Variants in GPM6B observed in about 807,000 individuals in gnomAD.
GPM6B encodes glycoprotein M6B.
In GPM6B, 4 loss-of-function variants were observed where a neutral mutation model predicts 27.2. The observed-to-expected ratio is 0.15, with a 90% confidence interval of 0.07 to 0.34. GPM6B has a LOEUF of 0.34. GPM6B is among the 10% of genes least tolerant of loss of function. GPM6B has a pLI of 1.00. For missense variants in GPM6B, 183 were observed against 261.9 expected (o/e 0.70, Z 2.08); for synonymous variants, 124 against 103.1 (o/e 1.20, Z -1.23).
At chrX:13,865,542 CAAAAAAAAAAAA>C (rs1171503867) in intron 1 of GPM6B, among the ~76,000 whole-genome samples, 14 of 14,632 alleles carry the variant, frequency 9.6e-4, no homozygotes, top group African/African-American at 2.4e-3. Flanking sequence ...TCCATCTCTT[CAAAAAAAAAAAA>C]AAAAAAAAGA....
At chrX:13,782,872 A>G (rs1226521858) in intron 4 of GPM6B, among the ~76,000 whole-genome samples, 1 of 112,024 alleles carries the variant, frequency 8.9e-6, no homozygotes, top group Non-Finnish European at 1.9e-5. Context: ...GTCTTAGACT[A>G]TAAGCTGCTT....
chrX:13,864,018 C>A (rs1409785963), intron 1 of GPM6B, among the ~76,000 whole-genome samples: 1 of 112,101 alleles, frequency 8.9e-6, no homozygotes, highest in Non-Finnish European at 1.9e-5. Context: ...GGCCATGGTT[C>A]ATTTTTTGTG....
At chrX:13,813,250 A>G (rs17300723) in intron 1 of GPM6B, among the ~76,000 whole-genome samples, 30,267 of 109,491 alleles carry the variant, frequency 0.28, 3,464 homozygotes, top group Middle Eastern at 0.39. Flanking sequence ...ATGAGAGCCA[A>G]AAGTGCATAC....
Position 13,874,188 on chromosome X carries a change from G to T in GPM6B, c.-198+64139C>A, listed in dbSNP as rs889941973. On this transcript the variant is annotated intron_variant, in intron 1 of 6. Coordinates refer to the GPM6B transcript ENST00000398361. Reference sequence around the variant, plus strand: ...AAATAAAGATTAAGGCTCCTTTCTTGAAATAAAATGAAACATTTTCATTTT... The same window carrying T: ...AAATAAAGATTAAGGCTCCTTTCTTTAAATAAAATGAAACATTTTCATTTT... Among the ~76,000 whole-genome samples, 3 of 111,885 alleles carry T rather than the reference G, an allele frequency of 2.7e-5. No homozygotes were observed. The Admixed American group carries it at 2.8e-4, about 11-fold the overall frequency.
At chrX:13,850,368 C>T (rs2049700883) in intron 1 of GPM6B, among the ~76,000 whole-genome samples, 1 of 112,473 alleles carries the variant, frequency 8.9e-6, no homozygotes, top group Admixed American at 9.4e-5. Context: ...TGGAAGCTTC[C>T]TGAGGCCTTT....
At chrX:13,781,411 G>C (rs2048513514) in intron 4 of GPM6B, among the ~76,000 whole-genome samples, 1 of 112,046 alleles carries the variant, frequency 8.9e-6, no homozygotes, top group Admixed American at 9.4e-5. Context: ...ATAGCACAAA[G>C]ATAAAGCTAC....
chrX:13,842,012 A>C (rs774274280), intron 1 of GPM6B, among the ~76,000 whole-genome samples: 1 of 111,964 alleles, frequency 8.9e-6, no homozygotes, highest in East Asian at 2.8e-4. Context: ...GATTCTCACC[A>C]TGTCATAGGT....
chrX:13,815,497 G>A (rs1337797590), intron 1 of GPM6B, among the ~76,000 whole-genome samples: 3 of 110,524 alleles, frequency 2.7e-5, no homozygotes, highest in Non-Finnish European at 5.7e-5. Context: ...TACAGGCTGG[G>A]TTTTTGGTGG....
intron 1 of GPM6B, among the ~76,000 whole-genome samples, chrX:13,872,886 G>T (rs1309010553): frequency 9.0e-6 from 1 of 111,198 alleles, no homozygotes; most frequent in Non-Finnish European, 1.9e-5. Context: ...TACTTACTCG[G>T]CTTACAGGAC....
chrX:13,853,692 T>C (rs1306507316), intron 1 of GPM6B, among the ~76,000 whole-genome samples: 1 of 108,606 alleles, frequency 9.2e-6, no homozygotes, highest in East Asian at 2.9e-4. Flanking sequence ...AGATATCGCA[T>C]GGGCACACTT....
At chrX:13,788,759 A>T (rs1452502199) in intron 2 of GPM6B, among the ~76,000 whole-genome samples, 1 of 109,999 alleles carries the variant, frequency 9.1e-6, no homozygotes, top group African/African-American at 3.3e-5. Context: ...TCAAAAAGCC[A>T]AGTGGGGTTA....
intron 1 of GPM6B, among the ~76,000 whole-genome samples, chrX:13,808,914 C>A (rs1569222400): frequency 8.9e-6 from 1 of 112,090 alleles, no homozygotes; most frequent in Non-Finnish European, 1.9e-5. Flanking sequence ...TAGAAAAAAT[C>A]TTTTTGACTT....
intron 5 of GPM6B, among the ~76,000 whole-genome samples, chrX:13,779,549 ATAAAG>A (rs2048476303): frequency 1.8e-5 from 2 of 112,238 alleles, no homozygotes; most frequent in African/African-American, 6.5e-5. Context: ...GAACTGCATT[ATAAAG>A]TAGTTTCATA....
At chrX:13,894,641 CTACCGATTATT>C (rs1289790475) in intron 1 of GPM6B, among the ~76,000 whole-genome samples, 1 of 112,359 alleles carries the variant, frequency 8.9e-6, no homozygotes, top group Non-Finnish European at 1.9e-5. Flanking sequence ...CACTCATTTG[CTACCGATTATT>C]TACAAGTGAA....
chrX:13,835,467 G>C (rs1360032959), intron 1 of GPM6B, among the ~76,000 whole-genome samples: 1 of 111,418 alleles, frequency 9.0e-6, no homozygotes, highest in Non-Finnish European at 1.9e-5. Flanking sequence ...TCAGTTTTTT[G>C]GGGGGTGTCC....
At chrX:13,855,642 G>T (rs1369115956) in intron 1 of GPM6B, among the ~76,000 whole-genome samples, 1 of 111,845 alleles carries the variant, frequency 8.9e-6, no homozygotes, top group Non-Finnish European at 1.9e-5. Flanking sequence ...TCAGTGTACG[G>T]TCAAGTATGC....
At chrX:13,878,093 G>A (rs1040917916) in intron 1 of GPM6B, among the ~76,000 whole-genome samples, 1 of 109,784 alleles carries the variant, frequency 9.1e-6, no homozygotes, top group African/African-American at 3.3e-5. Context: ...AGGATTTGAC[G>A]AGGTCAGAAG....
At chrX:13,926,054 C>CA (rs772441542) in intron 1 of GPM6B, among the ~76,000 whole-genome samples, 6 of 99,193 alleles carry the variant, frequency 6.0e-5, no homozygotes, top group South Asian at 4.8e-4. Context: ...GACTCCATCT[C>CA]AAAAAAAAAA....
chrX:13,928,285 T>C (rs1921307686), intron 1 of GPM6B, among the ~76,000 whole-genome samples: 1 of 112,473 alleles, frequency 8.9e-6, no homozygotes, highest in South Asian at 3.7e-4. Context: ...TAAAAACTTA[T>C]TAAGCTGTAC....
Sources: allele counts gnomAD v4.1 joint callset (sites outside exome capture counted in the v4.1 genomes callset), GRCh38; gene constraint gnomAD v4.1.1; transcripts MANE v1.5; gene names NCBI Gene and HGNC (gene_info 2026-07-23, HGNC 2026-07-21).